Variants in CSRNP3 observed in about 807,000 individuals in gnomAD.
CSRNP3 encodes cysteine and serine rich nuclear protein 3.
CSRNP3 carries 12 observed loss-of-function variants against 48.0 expected under a neutral mutation model. That is an observed-to-expected ratio of 0.25 (90% CI 0.16 to 0.41). CSRNP3 has a LOEUF of 0.41. Ranked by LOEUF, CSRNP3 falls within the 10% of genes least tolerant of loss-of-function variation. CSRNP3 has a pLI of 1.00. For synonymous variants in CSRNP3, 263 were observed against 269.7 expected, an observed-to-expected ratio of 0.98 and a Z score of 0.24; for missense variants, 580 against 724.4, an observed-to-expected ratio of 0.80 and a Z score of 2.29.
At chr2:165,666,948 G>GAGGAAGGAAGGAAGGAA (rs1687230558) in intron 5 of CSRNP3, among the ~76,000 whole-genome samples, 1 of 77,164 alleles carries the variant, frequency 1.3e-5, no homozygotes, top group Non-Finnish European at 3.5e-5. Context: ...GAAAGAAAGA[G>GAGGAAGGAAGGAAGGAA]AGAGAGGAAG....
At chr2:165,657,633 A>G (rs1558964489) in intron 4 of CSRNP3, 128 bp from the exon 5 acceptor site, 4 of 1,046,214 alleles carry the variant, frequency 3.8e-6, no homozygotes, top group South Asian at 3.2e-5. Flanking sequence ...GGGATATAAC[A>G]GTTTTAGAGT....
chr2:165,678,986 C>G lies in CSRNP3; in HGVS notation c.991C>G (p.Gln331Glu). 2 of 1,613,964 alleles carry G rather than the reference C, an allele frequency of 1.2e-6. No homozygotes were observed. The highest frequency in any genetic ancestry group is 3.3e-4 in the Middle Eastern group (2 of 6,062). The change falls in exon 7 of 7, where the codon CAG becomes GAG. Residue 331 changes from glutamine to glutamate, a missense_variant. By Grantham distance (29) the Gln-to-Glu change is conservative. This residue lies in a region of CSRNP3 where 369 missense variants were observed against 380.8 expected (regional missense o/e 0.97). Coordinates refer to ENST00000651982, the MANE Select transcript of CSRNP3 (RefSeq NM_001172173.2). ...GCCCCAGGCTGCAGTGCTGCACCTG[C>G]AGTCGGCTGAAGAATTAGATTGCCA... Reference protein sequence around the residue: ...TEPQAAVLHLQSAEELDCQGE... With the variant: ...TEPQAAVLHLESAEELDCQGE...
intron 3 of CSRNP3, among the ~76,000 whole-genome samples, chr2:165,566,568 C>A (rs995042133): frequency 3.3e-5 from 5 of 151,854 alleles, no homozygotes; most frequent in African/African-American, 9.7e-5. Context: ...TTAATACATG[C>A]AGAGCCCTTT....
intron 3 of CSRNP3, among the ~76,000 whole-genome samples, chr2:165,592,947 G>A (rs982747758): frequency 7.4e-5 from 11 of 149,656 alleles, no homozygotes; most frequent in East Asian, 3.9e-4. Flanking sequence ...GACTACAGGC[G>A]CCCGCCACTA....
intron 3 of CSRNP3, among the ~76,000 whole-genome samples, chr2:165,537,954 T>TG (rs1684903036): frequency 6.6e-6 from 1 of 151,958 alleles, no homozygotes; most frequent in African/African-American, 2.4e-5. Context: ...CCCTGTTTGA[T>TG]GAAACTACTG....
At chr2:165,633,269 C>A (rs1686568813) in intron 4 of CSRNP3, among the ~76,000 whole-genome samples, 1 of 152,194 alleles carries the variant, frequency 6.6e-6, no homozygotes, top group Admixed American at 6.5e-5. Context: ...TCACTTAAAT[C>A]ACCTACAACT....
intron 3 of CSRNP3, among the ~76,000 whole-genome samples, chr2:165,586,683 G>A (rs1685638995): frequency 6.6e-6 from 1 of 152,092 alleles, no homozygotes; most frequent in Admixed American, 6.6e-5. Context: ...ACAGGAAATA[G>A]GGGCAAAATA....
At chr2:165,615,600 A>G (rs1482972098) in intron 4 of CSRNP3, among the ~76,000 whole-genome samples, 1 of 151,326 alleles carries the variant, frequency 6.6e-6, no homozygotes, top group Admixed American at 6.6e-5. Context: ...TCAATCCCTT[A>G]ATTATTATAT....
intron 2 of CSRNP3, among the ~76,000 whole-genome samples, chr2:165,499,334 T>G (rs1283156299): frequency 6.6e-6 from 1 of 152,184 alleles, no homozygotes; most frequent in Non-Finnish European, 1.5e-5. Context: ...GGCAGTCTGA[T>G]GCTTTCTGAC....
intron 4 of CSRNP3, among the ~76,000 whole-genome samples, chr2:165,611,289 TGA>T (rs2105310175): frequency 6.6e-6 from 1 of 152,030 alleles, no homozygotes; most frequent in African/African-American, 2.4e-5. Context: ...GAGGGATAAA[TGA>T]GAACACTGAA....
chr2:165,568,752 CA>C (rs558382026), intron 3 of CSRNP3, among the ~76,000 whole-genome samples: 77 of 152,028 alleles, frequency 5.1e-4, no homozygotes, highest in African/African-American at 1.8e-3. Context: ...AAAAGAATTG[CA>C]AAGAATTTGT....
chr2:165,601,108 A>G (rs1426339089), intron 4 of CSRNP3, among the ~76,000 whole-genome samples: 1 of 152,236 alleles, frequency 6.6e-6, no homozygotes, highest in Non-Finnish European at 1.5e-5. Context: ...AACCAAGGTC[A>G]TATCTTGTAC....
chr2:165,549,480 T>C (rs972361338), intron 3 of CSRNP3, among the ~76,000 whole-genome samples: 1 of 152,088 alleles, frequency 6.6e-6, no homozygotes, highest in Non-Finnish European at 1.5e-5. Flanking sequence ...AGGGGTCCAG[T>C]GTTTTACTCT....
At chr2:165,591,650 C>T (rs1033568470) in intron 3 of CSRNP3, among the ~76,000 whole-genome samples, 8 of 152,168 alleles carry the variant, frequency 5.3e-5, no homozygotes, top group African/African-American at 1.4e-4. Context: ...TAGCTAAAAG[C>T]GGCCAAAGTA....
intron 1 of CSRNP3, among the ~76,000 whole-genome samples, chr2:165,471,082 A>C (rs1683889502): frequency 6.6e-6 from 1 of 151,956 alleles, no homozygotes; most frequent in Admixed American, 6.6e-5. Flanking sequence ...GGAAAATTAA[A>C]ATGAGTGAGA....
rs777346 is a variant in CSRNP3, at chr2:165,679,408, C to T, written c.1413C>T (p.Thr471=). 0.47 allele frequency: 757,138 copies of T among 1,612,182 alleles called. 181,724 individuals are homozygous for T. Among genetic ancestry groups the T allele is most frequent in the Non-Finnish European group, 0.5 (588,343 of 1,179,448 alleles). ...GTACCCTTTCGCTGGTGCCTTACAC[C>T]ATGACCCCGGAGCAATTCGTTGACT... ...KNGTLSLVPY[T]MTPEQFVDYA... is the part of the protein sequence containing the mutation. The change falls in exon 7 of 7, where the codon ACC becomes ACT. Residue 471 remains threonine (T), a synonymous_variant. Transcript: ENST00000651982.
At position 165,533,004 on chromosome 2, in the gene CSRNP3, G is replaced by A. The variant is rs1574825324; in HGVS notation, c.-24+15043G>A. Among the ~76,000 whole-genome samples the A allele has an allele frequency of 2.0e-5, 3 of 152,030 alleles. No individual in the cohort carries two copies. The East Asian group carries it at 5.8e-4, about 29-fold the overall frequency. ...AATACCTAGGAATCCAACTTACAAG[G>A]GATGTGAAAATTCTTATTTTCCCTA... On this transcript the variant is annotated intron_variant, in intron 3 of 6. Transcript: ENST00000651982.
chr2:165,628,654 GC>G (rs1686480254), intron 4 of CSRNP3, among the ~76,000 whole-genome samples: 1 of 152,280 alleles, frequency 6.6e-6, no homozygotes, highest in South Asian at 2.1e-4. Flanking sequence ...AACCTGGGAG[GC>G]GGAGGTTGCA....
At chr2:165,515,045 C>T (rs1019596090) in intron 2 of CSRNP3, among the ~76,000 whole-genome samples, 5 of 152,118 alleles carry the variant, frequency 3.3e-5, no homozygotes, top group East Asian at 1.9e-4. Flanking sequence ...CGTGGCCAAG[C>T]GCTGTGGCTC....
Sources: gnomAD v4.1 joint callset for allele counts (sites outside exome capture counted in the v4.1 genomes callset) on GRCh38, gnomAD v4.1.1 for gene constraint, gnomAD v4.1.1 regional missense constraint, MANE v1.5 for transcripts, NCBI Gene and HGNC (gene_info 2026-07-23, HGNC 2026-07-21) for gene names.